SMAD1: variants seen among roughly 807,000 people sequenced by gnomAD.
SMAD1 encodes the protein SMAD family member 1.
In SMAD1, 6 loss-of-function variants were observed where a neutral mutation model predicts 41.6. The ratio of observed to expected loss-of-function variants is 0.14; its 90% CI spans 0.08 to 0.28. The LOEUF (loss-of-function observed/expected upper bound fraction) is 0.28, where lower values mean the gene tolerates loss of function less well. Ranked by LOEUF, SMAD1 falls within the 10% of genes least tolerant of loss-of-function variation. SMAD1 has a pLI of 1.00. For synonymous variants in SMAD1, 206 were observed against 203.2 expected, an observed-to-expected ratio of 1.01 and a Z score of -0.12; for missense variants, 379 against 582.6, an observed-to-expected ratio of 0.65 and a Z score of 3.60.
At chr4:145,534,404 T>A (rs754818340) in intron 2 of SMAD1, among the ~76,000 whole-genome samples, 3 of 152,186 alleles carry the variant, frequency 2.0e-5, no homozygotes, top group Admixed American at 6.5e-5. Flanking sequence ...ATTAATAACT[T>A]TTTTTACCGG....
At chr4:145,529,353 A>T (rs1731204215) in intron 2 of SMAD1, among the ~76,000 whole-genome samples, 1 of 152,232 alleles carries the variant, frequency 6.6e-6, no homozygotes, top group African/African-American at 2.4e-5. Flanking sequence ...GGCAAAAGAA[A>T]GGAAACTACC....
intron 1 of SMAD1, among the ~76,000 whole-genome samples, chr4:145,504,294 TCAAAGAACA>T (rs755940055): frequency 2.6e-5 from 4 of 152,166 alleles, no homozygotes; most frequent in African/African-American, 7.2e-5. Flanking sequence ...TTGAACCAGA[TCAAAGAACA>T]TTGCTACTTT....
chr4:145,487,618 T>C (rs559270517), intron 1 of SMAD1, among the ~76,000 whole-genome samples: 20 of 152,302 alleles, frequency 1.3e-4, no homozygotes, highest in Non-Finnish European at 2.6e-4. Flanking sequence ...AGTATTTTCA[T>C]CACTCTGCTG....
At chr4:145,516,934 C>T (rs1021992695) in intron 2 of SMAD1, 2 of 152,130 alleles carry the variant, frequency 1.3e-5, no homozygotes, top group Non-Finnish European at 2.9e-5. Flanking sequence ...AGGCATTTGA[C>T]ATGAAAGGCA....
At chr4:145,539,057 C>G (rs17020297) in intron 2 of SMAD1, among the ~76,000 whole-genome samples, 1 of 152,076 alleles carries the variant, frequency 6.6e-6, no homozygotes, top group Non-Finnish European at 1.5e-5. Context: ...CCTATTGGGC[C>G]GCCTTTGTAC....
intron 5 of SMAD1, among the ~76,000 whole-genome samples, chr4:145,547,547 T>TA (rs1732316348): frequency 6.6e-6 from 1 of 152,216 alleles, no homozygotes; most frequent in Non-Finnish European, 1.5e-5. Flanking sequence ...GTGGAGTAGA[T>TA]AGAGTAGGGG....
At chr4:145,556,002 ACT>A (rs1274197841) in intron 6 of SMAD1, among the ~76,000 whole-genome samples, 6 of 152,188 alleles carry the variant, frequency 3.9e-5, no homozygotes, top group African/African-American at 1.4e-4. Flanking sequence ...AAATTTGCAC[ACT>A]GTTTTTACAA....
intron 2 of SMAD1, 33 bp from the exon 3 acceptor site, chr4:145,539,771 T>A: frequency 6.2e-7 from 1 of 1,604,294 alleles, no homozygotes; most frequent in South Asian, 1.1e-5. Context: ...ATTCTCATGT[T>A]TGTCCTTCTC....
At chr4:145,500,324 T>C (rs190117080) in intron 1 of SMAD1, among the ~76,000 whole-genome samples, 13 of 152,270 alleles carry the variant, frequency 8.5e-5, no homozygotes, top group African/African-American at 2.6e-4. Context: ...CTCTGAAGTC[T>C]CTGTGGGTCC....
intron 1 of SMAD1, among the ~76,000 whole-genome samples, chr4:145,505,301 GT>G (rs1729704860): frequency 6.6e-6 from 1 of 152,188 alleles, no homozygotes; most frequent in South Asian, 2.1e-4. Flanking sequence ...AAAATTGGAT[GT>G]TAGGATAGAT....
intron 1 of SMAD1, among the ~76,000 whole-genome samples, chr4:145,501,033 T>G (rs1729409136): frequency 6.6e-6 from 1 of 152,238 alleles, no homozygotes; most frequent in Non-Finnish European, 1.5e-5. Context: ...TAAGGACACT[T>G]GTTTTCTAAT....
At chr4:145,516,822 T>C (rs182439603) in intron 2 of SMAD1, among the ~76,000 whole-genome samples, 1 of 152,314 alleles carries the variant, frequency 6.6e-6, no homozygotes, top group Admixed American at 6.5e-5. Context: ...CGTAGTAACC[T>C]TAAAATGTAT....
At chr4:145,501,497 G>C (rs1341004733) in intron 1 of SMAD1, among the ~76,000 whole-genome samples, 4 of 152,180 alleles carry the variant, frequency 2.6e-5, no homozygotes, top group African/African-American at 9.7e-5. Context: ...TCTAAATATA[G>C]GAAGAGAGTT....
chr4:145,551,334 G>A (rs945766983), intron 5 of SMAD1, among the ~76,000 whole-genome samples: 4 of 152,160 alleles, frequency 2.6e-5, no homozygotes, highest in Admixed American at 2.6e-4. Context: ...TATGCAAACA[G>A]ATTAATGAGT....
intron 2 of SMAD1, among the ~76,000 whole-genome samples, chr4:145,534,907 T>C (rs934471153): frequency 1.3e-5 from 2 of 152,054 alleles, no homozygotes; most frequent in Non-Finnish European, 2.9e-5. Context: ...TGTTGATAAA[T>C]GTGCCTACCA....
chr4:145,515,158 G>GTGTGTGTC (rs1553945830), intron 2 of SMAD1, 145 bp downstream of exon 2: 2 of 713,952 alleles, frequency 2.8e-6, no homozygotes, highest in African/African-American at 3.6e-5. Flanking sequence ...GTGTGTGTGT[G>GTGTGTGTC]TGTGTGTGTG....
intron 1 of SMAD1, among the ~76,000 whole-genome samples, chr4:145,508,571 T>A (rs1008226175): frequency 6.6e-6 from 1 of 152,148 alleles, no homozygotes; most frequent in Admixed American, 6.6e-5. Flanking sequence ...ACACACAAAA[T>A]GTTTGCTCTA....
At chr4:145,535,244 G>C (rs1731547146) in intron 2 of SMAD1, among the ~76,000 whole-genome samples, 1 of 152,170 alleles carries the variant, frequency 6.6e-6, no homozygotes, top group Admixed American at 6.5e-5. Flanking sequence ...CTATGTGACA[G>C]TGCAAAATGG....
At position 145,518,496 on chromosome 4, in the gene SMAD1, A is replaced by T. The variant is rs1396147994; in HGVS notation, c.400+3483A>T. 1.6e-4 allele frequency among the ~76,000 whole-genome samples: 18 copies of T among 111,520 alleles called. 6 individuals are homozygous for T. The highest frequency in any genetic ancestry group is 3.1e-4 in the South Asian group (1 of 3,218). 73.2% of individuals were successfully genotyped at this position (111,520 alleles called of 152,430 possible). ...AAGAGTGAAACTCCATCTCAAAAAA[A>T]AAAAATAAAAATGTGCAAGGTGACT... is the stretch of plus-strand genomic sequence containing the variant. On this transcript the variant is annotated intron_variant, in intron 2 of 6. Coordinates refer to ENST00000302085, the MANE Select transcript of SMAD1 (RefSeq NM_005900.3).
Sources: allele counts gnomAD v4.1 joint callset (sites outside exome capture counted in the v4.1 genomes callset), GRCh38; gene constraint gnomAD v4.1.1; transcripts MANE v1.5; gene names NCBI Gene and HGNC (gene_info 2026-07-23, HGNC 2026-07-21).